PRDM9: variants seen among roughly 807,000 people sequenced by gnomAD.
PRDM9 encodes histone-lysine N-methyltransferase PRDM9.
A neutral mutation model predicts 55.6 loss-of-function variants in PRDM9; 47 were observed. The observed-to-expected ratio is 0.85, with a 90% CI of 0.67 to 1.08. The LOEUF is 1.08. Among genes scored for constraint, PRDM9 ranks in the 50% least tolerant of loss-of-function variants. PRDM9 has a pLI of 0.00. For missense variants in PRDM9, 867 were observed against 1,040.3 expected, an observed-to-expected ratio of 0.83 and a Z score of 2.29; for synonymous variants, 312 against 375.7, an observed-to-expected ratio of 0.83 and a Z score of 1.96.
chr5:23,507,985 AT>A (rs1420018317), intron 1 of PRDM9, among the ~76,000 whole-genome samples: 2 of 151,994 alleles, frequency 1.3e-5, no homozygotes, highest in Non-Finnish European at 2.9e-5. Flanking sequence ...GGCAACCCAA[AT>A]CCCTCAGCCT....
rs570690730 is a variant in PRDM9, at chr5:23,513,472, C to T, written c.301+3445C>T. Among the ~76,000 whole-genome samples, 6 of 152,290 alleles carry T rather than the reference C, an allele frequency of 3.9e-5. No homozygotes were observed. The East Asian group carries it at 1.2e-3, about 29-fold the overall frequency. ...TCTTTCTCTCTGTCTCACATGCACACTTACGCTTCCACCATGTCATGATGC... is the reference window on the plus strand; with the variant it reads ...TCTTTCTCTCTGTCTCACATGCACATTTACGCTTCCACCATGTCATGATGC... On this transcript the variant is annotated intron_variant, in intron 4 of 10. Coordinates refer to ENST00000296682, the MANE Select transcript of PRDM9 (RefSeq NM_020227.4).
chr5:23,526,850 G>T lies in PRDM9; in HGVS notation c.1762G>T (p.Gly588Cys), dbSNP rs1739456114. 8 of 1,606,208 alleles carry T rather than the reference G, an allele frequency of 5.0e-6. No individual in the cohort carries two copies. Among genetic ancestry groups the T allele is most frequent in the Non-Finnish European group, 5.1e-6 (6 of 1,177,504 alleles). Residue 588 changes from glycine (G) to cysteine (C), a missense_variant, in exon 11 of 11, where the codon GGC becomes TGC. Transcript: ENST00000296682. ...KPYVCRECGR[G>C]FSWQSVLLTH... ...CTATGTCTGCAGGGAGTGTGGGCGG[G>T]GCTTTAGCTGGCAGTCAGTCCTCCT...
Position 23,526,387 on chromosome 5 carries a change from G to A in PRDM9, c.1299G>A (p.Gly433=), listed in dbSNP as rs752410339. Residue 433 remains glycine (G), a synonymous_variant, in exon 11 of 11, where the codon GGG becomes GGA. Coordinates refer to ENST00000296682, the MANE Select transcript of PRDM9 (RefSeq NM_020227.4). ...KLLQPENPCP[G]DQNQEQQYPD... Reference sequence around the variant, plus strand: ...TCCAACCAGAGAATCCCTGCCCAGGGGATCAGAATCAGGAGCAGCAATATC... The same window carrying A: ...TCCAACCAGAGAATCCCTGCCCAGGAGATCAGAATCAGGAGCAGCAATATC... 1 of 1,614,158 alleles carries A rather than the reference G, an allele frequency of 6.2e-7. No homozygotes were observed. The highest frequency in any genetic ancestry group is 8.5e-7 in the Non-Finnish European group (1 of 1,180,034).
At position 23,526,403 on chromosome 5, in the gene PRDM9, C is replaced by G; in HGVS notation, c.1315C>G (p.Gln439Glu). 6.2e-7 allele frequency: 1 copy of G among 1,613,970 alleles called. No individual in the cohort carries two copies. Among genetic ancestry groups the G allele is most frequent in the Non-Finnish European group, 8.5e-7 (1 of 1,180,008 alleles). ...NPCPGDQNQE[Q>E]QYPDPHSRND... ...CTGCCCAGGGGATCAGAATCAGGAGCAGCAATATCCAGATCCACACAGCCG... is the reference window on the plus strand; with the variant it reads ...CTGCCCAGGGGATCAGAATCAGGAGGAGCAATATCCAGATCCACACAGCCG... Residue 439 changes from glutamine to glutamate, a missense_variant, in exon 11 of 11, where the codon CAG (glutamine) becomes GAG (glutamate). Gln to Glu is a conservative substitution (Grantham distance 29). Transcript: ENST00000296682.
At chr5:23,508,875 G>A in intron 1 of PRDM9, 75 bp from the exon 2 acceptor site, 1 of 815,028 alleles carries the variant, frequency 1.2e-6, no homozygotes, top group East Asian at 2.7e-5. Context: ...CACCCAGCCA[G>A]ATGGAGAAGA....
intron 1 of PRDM9, among the ~76,000 whole-genome samples, chr5:23,508,394 TCA>T (rs1036794272): frequency 2.0e-5 from 3 of 151,912 alleles, no homozygotes; most frequent in African/African-American, 4.8e-5. Context: ...CCCAATTTCT[TCA>T]GTCTAAGACA....
In PRDM9 at chr5:23,526,706, A is replaced by G; in HGVS notation, c.1618A>G (p.Ile540Val). 6.2e-7 allele frequency: 1 copy of G among 1,614,252 alleles called. No homozygotes were observed. Among genetic ancestry groups the G allele is most frequent in the Non-Finnish European group, 8.5e-7 (1 of 1,180,044 alleles). ...AGGTTTCAGTGTTAAATCAGATGTT[A>G]TTACACACCAAAGGACACATACAGG... ...GQGFSVKSDV[I>V]THQRTHTGEK... Residue 540 changes from isoleucine to valine, a missense_variant, in exon 11 of 11, where the codon ATT becomes GTT. Ile to Val is a conservative substitution (Grantham distance 29). Coordinates refer to ENST00000296682, the MANE Select transcript of PRDM9 (RefSeq NM_020227.4).
rs1365495226 is a variant in PRDM9 at position 23,528,035 on chromosome 5, T to A, written c.*262T>A. The A allele has an allele frequency of 8.5e-6, 5 of 586,708 alleles. No individual in the cohort carries two copies. The East Asian group carries it at 1.5e-4, about 18-fold the overall frequency. The allele number at this position is 586,708 out of a possible 1,614,324, so 36.3% of individuals were successfully genotyped here. ...TTCTTTCCCGCACTGATCCCCTCCA[T>A]TTTTTGTTTGTTTTTTTGCCTCCTG... On this transcript the variant is annotated 3_prime_UTR_variant, in exon 11 of 11. Transcript: ENST00000296682.
Position 23,517,922 on chromosome 5 carries a change from C to T in PRDM9, c.343C>T (p.His115Tyr). The change falls in exon 5 of 11, where the codon CAC becomes TAC. Residue 115 changes from histidine to tyrosine, a missense_variant. This residue lies in a region of PRDM9 where 662 missense variants were observed against 711.9 expected (regional missense o/e 0.93). Coordinates refer to ENST00000296682, the MANE Select transcript of PRDM9 (RefSeq NM_020227.4). The part of the protein sequence containing the change: ...WMALRVEQRK[H>Y]QKGMPKASFS... ...GGCCTTAAGAGTGGAACAGCGTAAA[C>T]ACCAGAAGGTAAGTATTTCCCAAAT... The T allele has an allele frequency of 6.3e-7, 1 of 1,597,806 alleles. No homozygotes were observed. The highest frequency in any genetic ancestry group is 8.6e-7 in the Non-Finnish European group (1 of 1,165,164).
At chr5:23,513,244 C>T (rs546113694) in intron 4 of PRDM9, among the ~76,000 whole-genome samples, 1 of 152,286 alleles carries the variant, frequency 6.6e-6, no homozygotes, top group Admixed American at 6.5e-5. Flanking sequence ...TACATTCCCA[C>T]TACTATGGTT....
intron 3 of PRDM9, 144 bp downstream of exon 3, chr5:23,509,737 T>C: frequency 6.6e-7 from 1 of 1,513,052 alleles, no homozygotes; most frequent in Non-Finnish European, 9.1e-7. Flanking sequence ...TTTTGTTCTT[T>C]TGCGTCAGTG....
rs1739263317 is a variant in PRDM9 at position 23,518,489 on chromosome 5, T to C, written c.351+559T>C. 2.0e-5 allele frequency among the ~76,000 whole-genome samples: 3 copies of C among 152,168 alleles called. No homozygotes were observed. In the South Asian group the frequency reaches 6.2e-4, roughly 32 times the overall value. On this transcript the variant is annotated intron_variant, in intron 5 of 10. Coordinates refer to ENST00000296682, the MANE Select transcript of PRDM9 (RefSeq NM_020227.4). ...TAAAGTGAGATTTGCACTGAAACAC[T>C]CTGATTAAGGGAAGCTTCCAAGTAA...
intron 9 of PRDM9, among the ~76,000 whole-genome samples, chr5:23,524,033 A>C (rs1739384145): frequency 6.6e-6 from 1 of 152,200 alleles, no homozygotes; most frequent in Non-Finnish European, 1.5e-5. Flanking sequence ...AGAAGCTAGA[A>C]GTCAATGTGT....
intron 1 of PRDM9, among the ~76,000 whole-genome samples, chr5:23,508,047 A>G (rs1739020066): frequency 6.6e-6 from 1 of 151,992 alleles, no homozygotes; most frequent in South Asian, 2.1e-4. Context: ...CCCCAACCTC[A>G]GATAACCTAA....
intron 4 of PRDM9, among the ~76,000 whole-genome samples, chr5:23,514,714 A>C (rs995859109): frequency 6.6e-6 from 1 of 151,992 alleles, no homozygotes; most frequent in African/African-American, 2.4e-5. Context: ...AAGTGCTGGG[A>C]TTATAGGCAT....
chr5:23,512,398 A>G (rs1417998033), intron 4 of PRDM9, among the ~76,000 whole-genome samples: 1 of 152,136 alleles, frequency 6.6e-6, no homozygotes, highest in Non-Finnish European at 1.5e-5. Context: ...AAACTAGAGA[A>G]AGCAACTTGG....
rs571691748 is a variant in PRDM9, at chr5:23,525,463, G to A, written c.1145-770G>A. Among the ~76,000 whole-genome samples, 27 of 152,252 alleles carry A rather than the reference G, an allele frequency of 1.8e-4. No homozygotes were observed. In the South Asian group the frequency reaches 5.2e-3, roughly 29 times the overall value. On this transcript the variant is annotated intron_variant, in intron 10 of 10. Coordinates refer to ENST00000296682, the MANE Select transcript of PRDM9 (RefSeq NM_020227.4). ...ATATCTCAAAAATGAATACTTGATG[G>A]GCAGCCTGAGAGAGAACATATTCTC...
In PRDM9 at chr5:23,522,717, A is replaced by C. The variant is rs778619597; in HGVS notation, c.714A>C (p.Ser238=). The C allele has an allele frequency of 1.2e-6, 2 of 1,614,224 alleles. No individual in the cohort carries two copies. Among genetic ancestry groups the C allele is most frequent in the Admixed American group, 3.3e-5 (2 of 60,028 alleles). ...SAVDKGHPNR[S]ALSLPPGLRI... The stretch of plus-strand genomic sequence containing the variant: ...TGGACAAGGGGCACCCCAACCGTTC[A>C]GCCCTCAGTCTGCCCCCAGGGCTGA... The change falls in exon 8 of 11, where the codon TCA becomes TCC. Residue 238 remains serine, a synonymous_variant. Coordinates refer to ENST00000296682, the MANE Select transcript of PRDM9 (RefSeq NM_020227.4).
At chr5:23,514,207 C>T (rs1739155685) in intron 4 of PRDM9, among the ~76,000 whole-genome samples, 1 of 152,056 alleles carries the variant, frequency 6.6e-6, no homozygotes. Context: ...ATTAGTCAGC[C>T]CAGGCTGCCA....
Sources: gnomAD v4.1 joint callset for allele counts (sites outside exome capture counted in the v4.1 genomes callset) on GRCh38, gnomAD v4.1.1 for gene constraint, gnomAD v4.1.1 regional missense constraint, MANE v1.5 for transcripts, NCBI Gene and HGNC (gene_info 2026-07-23, HGNC 2026-07-21) for gene names.